The following TMEM200A variants were observed in gnomAD, a reference collection of about 807,000 sequenced individuals.
TMEM200A encodes the protein transmembrane protein 200A.
TMEM200A carries 12 observed loss-of-function variants against 24.3 expected under a neutral mutation model. The ratio of observed to expected loss-of-function variants is 0.49; its 90% CI spans 0.32 to 0.80. The LOEUF is 0.80. TMEM200A is among the 30% of genes least tolerant of loss of function. The probability of loss-of-function intolerance (pLI) is 0.04; values close to 1 mark genes in which losing one functional copy is unlikely to be tolerated. For synonymous variants in TMEM200A, 224 were observed against 224.4 expected (o/e 1.00, Z 0.02); for missense variants, 545 against 614.4 (o/e 0.89, Z 1.19).
intron 2 of TMEM200A, among the ~76,000 whole-genome samples, chr6:130,435,602 T>A (rs931001345): frequency 6.6e-6 from 1 of 152,250 alleles, no homozygotes; most frequent in African/African-American, 2.4e-5. Context: ...CAATTACGAT[T>A]TCCAAACACT....
intron 2 of TMEM200A, among the ~76,000 whole-genome samples, chr6:130,402,976 A>G (rs553471835): frequency 7.2e-5 from 11 of 152,118 alleles, no homozygotes; most frequent in South Asian, 6.2e-4. Context: ...TTTAACTGCA[A>G]TTTCTGCATC....
At chr6:130,373,273 G>A (rs1257483543) in intron 1 of TMEM200A, among the ~76,000 whole-genome samples, 1 of 152,134 alleles carries the variant, frequency 6.6e-6, no homozygotes, top group East Asian at 1.9e-4. Context: ...AAGAGATGTT[G>A]TTAGATTTTC....
At chr6:130,383,162 G>T in intron 1 of TMEM200A, 1 of 629,076 alleles carries the variant, frequency 1.6e-6, no homozygotes, top group Non-Finnish European at 2.0e-6. Context: ...GTAGCATCGG[G>T]CAAGACAGTT....
intron 2 of TMEM200A, among the ~76,000 whole-genome samples, chr6:130,410,845 T>C (rs1779313191): frequency 6.6e-6 from 1 of 152,206 alleles, no homozygotes; most frequent in South Asian, 2.1e-4. Context: ...TTGGCTATTG[T>C]AGGGAGACTG....
chr6:130,400,840 G>A (rs61120665), intron 2 of TMEM200A, among the ~76,000 whole-genome samples: 8,356 of 151,938 alleles, frequency 0.055, 764 homozygotes, highest in African/African-American at 0.19. Context: ...TCTATTCTAG[G>A]GTTCCAAGTC....
chr6:130,416,264 G>A (rs1020265815), intron 2 of TMEM200A, among the ~76,000 whole-genome samples: 29 of 152,006 alleles, frequency 1.9e-4, no homozygotes, highest in African/African-American at 7.0e-4. Flanking sequence ...TAGTCACTAA[G>A]CCTCATGCTT....
chr6:130,430,666 G>A (rs1033055668), intron 2 of TMEM200A, among the ~76,000 whole-genome samples: 7 of 151,984 alleles, frequency 4.6e-5, no homozygotes, highest in African/African-American at 1.7e-4. Context: ...AAAGAATTTT[G>A]CATTTACAAG....
intron 1 of TMEM200A, among the ~76,000 whole-genome samples, chr6:130,383,283 T>C (rs1478739550): frequency 3.3e-5 from 5 of 152,166 alleles, no homozygotes; most frequent in Non-Finnish European, 1.5e-5. Flanking sequence ...AAGTCAGCAA[T>C]GCCATCCTGA....
intron 2 of TMEM200A, among the ~76,000 whole-genome samples, chr6:130,436,233 A>C (rs946514398): frequency 9.2e-5 from 14 of 152,152 alleles, no homozygotes; most frequent in African/African-American, 3.4e-4. Flanking sequence ...TATTACAATT[A>C]TTACTCCTCC....
chr6:130,391,708 C>T (rs1439320083), intron 2 of TMEM200A, among the ~76,000 whole-genome samples: 1 of 141,566 alleles, frequency 7.1e-6, no homozygotes, highest in Non-Finnish European at 1.6e-5. Flanking sequence ...TCTTATTTCA[C>T]TTCTTTTAAA....
intron 2 of TMEM200A, among the ~76,000 whole-genome samples, chr6:130,418,399 C>T (rs1310029968): frequency 2.0e-5 from 3 of 152,080 alleles, no homozygotes; most frequent in African/African-American, 7.2e-5. Context: ...TTTCTAGAGC[C>T]ACTCATGAAC....
intron 2 of TMEM200A, among the ~76,000 whole-genome samples, chr6:130,405,093 C>T (rs146104053): frequency 1.6e-4 from 24 of 152,084 alleles, no homozygotes; most frequent in South Asian, 2.1e-4. Context: ...GGTAGCATGA[C>T]GCCTCCAGCT....
intron 2 of TMEM200A, among the ~76,000 whole-genome samples, chr6:130,411,310 A>G (rs971651338): frequency 1.3e-5 from 2 of 152,128 alleles, no homozygotes; most frequent in Non-Finnish European, 2.9e-5. Flanking sequence ...TTTTTTTTAA[A>G]TTTTATAATT....
At chr6:130,384,500 T>TG (rs1321163942) in intron 1 of TMEM200A, among the ~76,000 whole-genome samples, 4 of 152,178 alleles carry the variant, frequency 2.6e-5, no homozygotes, top group East Asian at 1.9e-4. Flanking sequence ...TTTGTAGAGA[T>TG]GGGGTCTTGC....
intron 2 of TMEM200A, among the ~76,000 whole-genome samples, chr6:130,409,381 A>G (rs1338061801): frequency 1.8e-4 from 27 of 152,214 alleles, no homozygotes; most frequent in Admixed American, 1.6e-3. Context: ...GAAGTCAGAA[A>G]TAATCTCAAA....
intron 2 of TMEM200A, among the ~76,000 whole-genome samples, chr6:130,425,134 C>T (rs764971403): frequency 4.6e-5 from 7 of 152,100 alleles, no homozygotes; most frequent in Non-Finnish European, 7.4e-5. Context: ...AGAGCACAGA[C>T]GATGTTGGAT....
rs115344990 is a variant in TMEM200A, at chr6:130,427,525, G to A, written c.-16-12882G>A. 5.3e-3 allele frequency among the ~76,000 whole-genome samples: 637 copies of A among 120,242 alleles called. 7 individuals are homozygous for A. The highest frequency in any genetic ancestry group is 0.029 in the African/African-American group (593 of 20,696). The allele number at this position is 120,242 out of a possible 152,430, so 78.9% of individuals were successfully genotyped here. A position where few individuals can be genotyped will look rare whatever the true frequency, so the allele number is the denominator to read the frequency against. ...TATACATAGTTTCATGTATTCTTGGGCAAATCTTTTGAAAGAATTCATAGA... is the reference window on the plus strand; with the variant it reads ...TATACATAGTTTCATGTATTCTTGGACAAATCTTTTGAAAGAATTCATAGA... On this transcript the variant is annotated intron_variant, in intron 2 of 2. Coordinates refer to ENST00000296978, the MANE Select transcript of TMEM200A (RefSeq NM_001258277.2).
intron 1 of TMEM200A, among the ~76,000 whole-genome samples, chr6:130,380,783 T>C (rs1778577925): frequency 6.6e-6 from 1 of 152,216 alleles, no homozygotes; most frequent in African/African-American, 2.4e-5. Context: ...TATGTTTCTC[T>C]AATCTACCAA....
chr6:130,398,907 TC>T (rs1779018291), intron 2 of TMEM200A, among the ~76,000 whole-genome samples: 1 of 152,096 alleles, frequency 6.6e-6, no homozygotes, highest in Non-Finnish European at 1.5e-5. Context: ...CTCATTTTTT[TC>T]ATTGTCCAAT....
Sources: gnomAD v4.1 joint callset for allele counts (sites outside exome capture counted in the v4.1 genomes callset) on GRCh38, gnomAD v4.1.1 for gene constraint, MANE v1.5 for transcripts, NCBI Gene and HGNC (gene_info 2026-07-23, HGNC 2026-07-21) for gene names.